The following NR4A3 variants were observed in gnomAD, a reference collection of about 807,000 sequenced individuals.
The protein encoded by NR4A3 is nuclear receptor subfamily 4 group A member 3.
Under a neutral mutation model 55.6 loss-of-function variants are expected in NR4A3, and 13 were observed. The ratio of observed to expected loss-of-function variants is 0.23; its 90% CI spans 0.15 to 0.37. NR4A3 has a LOEUF of 0.37. NR4A3 is among the 10% of genes least tolerant of loss of function. The pLI, the probability that NR4A3 is intolerant of heterozygous loss-of-function variation, is 1.00. For missense variants in NR4A3, 646 were observed against 822.8 expected (o/e 0.79, Z 2.63); for synonymous variants, 342 against 357.9 (o/e 0.96, Z 0.50).
intron 1 of NR4A3, among the ~76,000 whole-genome samples, chr9:99,824,152 G>A (rs1444805878): frequency 6.6e-6 from 1 of 152,214 alleles, no homozygotes; most frequent in Non-Finnish European, 1.5e-5. Context: ...CTTTGCCTAG[G>A]TAACCGGCCG....
At chr9:99,848,443 C>A (rs1827793813) in intron 7 of NR4A3, among the ~76,000 whole-genome samples, 1 of 152,134 alleles carries the variant, frequency 6.6e-6, no homozygotes, top group Non-Finnish European at 1.5e-5. Context: ...CTCCTGGGTC[C>A]AAGCAATTCT....
intron 4 of NR4A3, 54 bp from the exon 5 acceptor site, chr9:99,833,226 TGG>T: frequency 6.5e-7 from 1 of 1,532,494 alleles, no homozygotes; most frequent in Non-Finnish European, 8.8e-7. Flanking sequence ...TTGCGATTTA[TGG>T]TCGTTCATTC....
rs1380744725 is a variant in NR4A3, at chr9:99,856,911, C to T, written c.1634-6709C>T. ...AGGGAACCTATTGGTAATTAGGAAT[C>T]CATGAAATTAATAGCTACCATTTAA... is the stretch of plus-strand genomic sequence containing the variant. On this transcript the variant is annotated intron_variant, in intron 7 of 7. Transcript: ENST00000395097. Among the ~76,000 whole-genome samples, 2 of 152,170 alleles carry T rather than the reference C, an allele frequency of 1.3e-5. 1 individual carries two copies. The highest frequency in any genetic ancestry group is 2.9e-5 in the Non-Finnish European group (2 of 68,032).
chr9:99,834,691 C>T, intron 5 of NR4A3: 1 of 575,232 alleles, frequency 1.7e-6, no homozygotes, highest in Non-Finnish European at 2.2e-6. Context: ...TGCCCTTCTC[C>T]TTAGGTTGCA....
chr9:99,861,829 G>A (rs1015861291), intron 7 of NR4A3, among the ~76,000 whole-genome samples: 1 of 152,004 alleles, frequency 6.6e-6, no homozygotes, highest in Non-Finnish European at 1.5e-5. Context: ...GGTAGCTCAT[G>A]CCTGTAATTT....
chr9:99,856,360 A>G (rs567893519), intron 7 of NR4A3, among the ~76,000 whole-genome samples: 13 of 152,086 alleles, frequency 8.5e-5, no homozygotes, highest in African/African-American at 2.2e-4. Flanking sequence ...TCACACTCCT[A>G]TGAGAATCTA....
chr9:99,863,562 A>C, intron 7 of NR4A3, 58 bp from the exon 8 acceptor site: 3 of 1,553,164 alleles, frequency 1.9e-6, no homozygotes, highest in Non-Finnish European at 2.6e-6. Context: ...TAGGGATTCA[A>C]AGTGTCTTAA....
chr9:99,847,669 T>C, intron 7 of NR4A3, 54 bp downstream of exon 7: 2 of 1,552,530 alleles, frequency 1.3e-6, no homozygotes, highest in Admixed American at 1.7e-5. Context: ...CCCTTTGTTA[T>C]GGTGGAATCT....
Position 99,834,708 on chromosome 9 carries a change from A to T in NR4A3, c.1254+1254A>T. 6 of 729,220 alleles carry T rather than the reference A, an allele frequency of 8.2e-6. No homozygotes were observed. In the African/African-American group the frequency reaches 9.6e-5, roughly 12 times the overall value. The allele number at this position is 729,220 out of a possible 1,614,324, so 45.2% of individuals were successfully genotyped here. A position where few individuals can be genotyped will look rare whatever the true frequency, so the allele number is the denominator to read the frequency against. ...CCCTTCTCCTTAGGTTGCAGTGTTG[A>T]TAGAAATGATTAGTGTACCTGCTGT... On this transcript the variant is annotated intron_variant, in intron 5 of 7. Coordinates refer to ENST00000395097, the MANE Select transcript of NR4A3 (RefSeq NM_006981.4).
rs781254781 is a variant in NR4A3 at position 99,828,773 on chromosome 9, G to T, written c.731G>T (p.Gly244Val). Residue 244 changes from glycine (G) to valine (V), a missense_variant, in exon 3 of 8, where the codon GGG becomes GTG. Gly to Val is a moderately radical substitution (Grantham distance 109). Transcript: ENST00000395097. The surrounding 1 kb of genome is among the most constrained non-coding windows in gnomAD (Gnocchi z 7.7). ...QAAALESHPYGLPLAKRAAPL... is the reference protein window; with the variant it reads ...QAAALESHPYVLPLAKRAAPL... ...GCCGCGCTTGAGAGCCACCCGTACG[G>T]GCTGCCGCTGGCCAAGAGGGCGGCC... The T allele has an allele frequency of 2.1e-5, 31 of 1,446,496 alleles. No individual in the cohort carries two copies. In the African/African-American group the frequency reaches 4.3e-4, roughly 20 times the overall value. The allele number at this position is 1,446,496 out of a possible 1,614,324, so 89.6% of individuals were successfully genotyped here.
intron 6 of NR4A3, among the ~76,000 whole-genome samples, chr9:99,846,715 T>C (rs546147302): frequency 2.0e-5 from 3 of 152,324 alleles, no homozygotes; most frequent in African/African-American, 7.2e-5. Context: ...TGGCACGATC[T>C]TGGCTCACTG....
At chr9:99,850,111 G>C (rs906469728) in intron 7 of NR4A3, among the ~76,000 whole-genome samples, 3 of 152,224 alleles carry the variant, frequency 2.0e-5, no homozygotes, top group Admixed American at 6.5e-5. Flanking sequence ...TGGTCTGATA[G>C]GTCAGGGTGG....
chr9:99,840,629 A>C (rs1474898175), intron 5 of NR4A3, among the ~76,000 whole-genome samples: 1 of 152,214 alleles, frequency 6.6e-6, no homozygotes. Context: ...CAGGTAGTCC[A>C]CTTTATTCCT....
rs1204063187 is a variant in NR4A3, at chr9:99,864,209, ACT to A, written c.*345_*346del. 3.7e-6 allele frequency: 1 copy of A among 270,506 alleles called. No individual in the cohort carries two copies. Among genetic ancestry groups the A allele is most frequent in the Non-Finnish European group, 7.1e-6 (1 of 140,202 alleles). The allele number at this position is 270,506 out of a possible 1,614,324, so 16.8% of individuals were successfully genotyped here. ...AAAAGGATAATATAACTGTTTTAAA[ACT>A]CTTTCTGGGGAATCCAATTATAGTT... On this transcript the variant is annotated 3_prime_UTR_variant, in exon 8 of 8. Coordinates refer to ENST00000395097, the MANE Select transcript of NR4A3 (RefSeq NM_006981.4).
Position 99,828,937 on chromosome 9 carries a change from G to A in NR4A3, c.895G>A (p.Ala299Thr). 2.1e-6 allele frequency: 3 copies of A among 1,439,024 alleles called. No individual in the cohort carries two copies. Among genetic ancestry groups the A allele is most frequent in the Non-Finnish European group, 2.7e-6 (3 of 1,095,246 alleles). The allele number at this position is 1,439,024 out of a possible 1,614,324, so 89.1% of individuals were successfully genotyped here. The change falls in exon 3 of 8, where the codon GCC becomes ACC. Residue 299 changes from alanine to threonine, a missense_variant. Coordinates refer to ENST00000395097, the MANE Select transcript of NR4A3 (RefSeq NM_006981.4). This position sits in a 1 kb window ranked among gnomAD's most constrained non-coding sequence, Gnocchi z 7.7. ...EGTCAVCGDN[A>T]ACQHYGVRTC... is the part of the protein sequence containing the mutation. ...CACGTGTGCCGTGTGCGGGGACAAC[G>A]CCGCCTGCCAGCACTACGGCGTGCG...
chr9:99,850,243 T>A (rs145521829), intron 7 of NR4A3, among the ~76,000 whole-genome samples: 2 of 152,244 alleles, frequency 1.3e-5, no homozygotes, highest in East Asian at 3.9e-4. Flanking sequence ...TTAGAAAGAT[T>A]TACCCTGTCA....
chr9:99,827,628 C>T (rs973029125), intron 2 of NR4A3, among the ~76,000 whole-genome samples: 3 of 152,228 alleles, frequency 2.0e-5, no homozygotes, highest in East Asian at 1.9e-4. Context: ...GGACCAATGG[C>T]CTCTTTCCTC....
intron 7 of NR4A3, among the ~76,000 whole-genome samples, chr9:99,856,426 G>A (rs965718186): frequency 6.6e-6 from 1 of 152,130 alleles, no homozygotes. Flanking sequence ...AAATAACGGG[G>A]AGTGGCTGTA....
At chr9:99,835,949 A>C (rs1827552595) in intron 5 of NR4A3, among the ~76,000 whole-genome samples, 1 of 152,206 alleles carries the variant, frequency 6.6e-6, no homozygotes, top group Non-Finnish European at 1.5e-5. Context: ...AAGCATATTT[A>C]TTTTAATTGC....
Sources: allele counts gnomAD v4.1 joint callset (sites outside exome capture counted in the v4.1 genomes callset), GRCh38; gene constraint gnomAD v4.1.1; non-coding constraint Gnocchi (gnomAD v3.1); transcripts MANE v1.5; gene names NCBI Gene and HGNC (gene_info 2026-07-23, HGNC 2026-07-21).